Variants in FXR1 observed in about 807,000 individuals in gnomAD.
FXR1 encodes FMR1 autosomal homolog 1.
FXR1 carries 15 observed loss-of-function variants against 84.0 expected under a neutral mutation model. The ratio of observed to expected loss-of-function variants is 0.18; its 90% confidence interval spans 0.12 to 0.27. FXR1 has a LOEUF of 0.27. Among genes scored for constraint, FXR1 ranks in the 10% least tolerant of loss-of-function variants. The pLI is 1.00. For synonymous variants in FXR1, 245 were observed against 250.7 expected (o/e 0.98, Z 0.21); for missense variants, 480 against 774.4 (o/e 0.62, Z 4.51).
chr3:180,954,992 T>A (rs1344781431), intron 9 of FXR1, among the ~76,000 whole-genome samples: 1 of 149,304 alleles, frequency 6.7e-6, no homozygotes, highest in Non-Finnish European at 1.5e-5. Flanking sequence ...AATAAATTTT[T>A]TTTTTTTTTT....
chr3:180,915,971 G>T (rs926794027), intron 1 of FXR1, among the ~76,000 whole-genome samples: 3 of 152,216 alleles, frequency 2.0e-5, no homozygotes, highest in African/African-American at 7.2e-5. Flanking sequence ...ATTTGTGCAT[G>T]TTCGTAGCCC....
chr3:180,944,810 A>G (rs186281748), intron 3 of FXR1, among the ~76,000 whole-genome samples: 3 of 152,282 alleles, frequency 2.0e-5, no homozygotes, highest in Admixed American at 1.3e-4. Flanking sequence ...TTGCATAGTG[A>G]TGGTGTTTCA....
intron 13 of FXR1, among the ~76,000 whole-genome samples, chr3:180,966,412 T>C (rs1313214267): frequency 1.3e-5 from 2 of 152,234 alleles, no homozygotes; most frequent in African/African-American, 2.4e-5. Context: ...TATAAAACTT[T>C]ACATTTTATT....
chr3:180,963,690 T>C (rs1712434123), intron 13 of FXR1, among the ~76,000 whole-genome samples: 1 of 152,258 alleles, frequency 6.6e-6, no homozygotes, highest in African/African-American at 2.4e-5. Context: ...AATGAACATT[T>C]TCTAAAATGT....
At position 180,978,520 on chromosome 3, in the gene FXR1, T is replaced by C. The variant is rs573206007; in HGVS notation, c.*2228T>C. The C allele has an allele frequency of 6.6e-6, 1 of 152,230 alleles. No homozygotes were observed. Among genetic ancestry groups the C allele is most frequent in the East Asian group, 1.9e-4 (1 of 5,174 alleles). 9.4% of individuals were successfully genotyped at this position (152,230 alleles called of 1,614,324 possible). On this transcript the variant is annotated 3_prime_UTR_variant, in exon 17 of 17. Coordinates refer to ENST00000357559, the MANE Select transcript of FXR1 (RefSeq NM_005087.4). ...GAGAGGGTTCCGTCTTTTTGGCTGC[T>C]ATCCTAGTTAGGTGAGATGTTGCTA...
At chr3:180,933,428 G>C (rs763864851) in intron 2 of FXR1, 42 bp downstream of exon 2, 1 of 1,164,016 alleles carries the variant, frequency 8.6e-7, no homozygotes, top group Non-Finnish European at 1.3e-6. Flanking sequence ...TTTAGAGATG[G>C]CAGTGCCAAA....
At chr3:180,940,010 T>G (rs1051136778) in intron 3 of FXR1, among the ~76,000 whole-genome samples, 2 of 152,200 alleles carry the variant, frequency 1.3e-5, no homozygotes, top group African/African-American at 4.8e-5. Context: ...TAAAAATATA[T>G]TGGTTGCTTA....
intron 10 of FXR1, among the ~76,000 whole-genome samples, chr3:180,960,812 A>T (rs1712003085): frequency 6.6e-6 from 1 of 152,238 alleles, no homozygotes; most frequent in Admixed American, 6.5e-5. Context: ...TTGGAAAATT[A>T]AATTAATTAT....
At chr3:180,958,445 C>T (rs149525703) in intron 10 of FXR1, among the ~76,000 whole-genome samples, 3 of 152,208 alleles carry the variant, frequency 2.0e-5, no homozygotes, top group East Asian at 1.9e-4. Flanking sequence ...TTTGCCTTTG[C>T]GTCTTCATAG....
At chr3:180,961,866 C>G (rs767046934) in intron 11 of FXR1, among the ~76,000 whole-genome samples, 8 of 152,144 alleles carry the variant, frequency 5.3e-5, no homozygotes, top group Admixed American at 3.9e-4. Context: ...TCTCAGATCA[C>G]TTATGTATCT....
At position 180,963,105 on chromosome 3, in the gene FXR1, T is replaced by TTA; in HGVS notation, c.1198+16_1198+17insAT. On this transcript the variant is annotated intron_variant, in intron 13 of 16. Coordinates refer to ENST00000357559, the MANE Select transcript of FXR1 (RefSeq NM_005087.4). ...CTCCGGTTATGGTAAAAAAAAATTT[T>TTA]TTTTTTTTTTTTTTGGTAATAGTAA... is the stretch of plus-strand genomic sequence containing the variant. 9.0e-7 allele frequency: 1 copy of TTA among 1,113,090 alleles called. No homozygotes were observed. The highest frequency in any genetic ancestry group is 1.3e-6 in the Non-Finnish European group (1 of 755,648). The allele number at this position is 1,113,090 out of a possible 1,614,324, so 69.0% of individuals were successfully genotyped here.
Position 180,930,060 on chromosome 3 carries a change from C to T in FXR1, c.52-3274C>T, listed in dbSNP as rs543580972. Among the ~76,000 whole-genome samples the T allele has an allele frequency of 1.8e-4, 27 of 152,224 alleles. No individual in the cohort carries two copies. The South Asian group carries it at 2.3e-3, about 13-fold the overall frequency. On this transcript the variant is annotated intron_variant, in intron 1 of 16. Transcript: ENST00000357559. ...GTGGGCGGATCACGAGGTCGGAGTT[C>T]GAGACCAGCCTGGCGGACATGGTGA...
chr3:180,937,534 T>C (rs774664281), intron 3 of FXR1, among the ~76,000 whole-genome samples: 1 of 152,374 alleles, frequency 6.6e-6, no homozygotes, highest in Middle Eastern at 3.4e-3. Context: ...TTTCACGTTA[T>C]GTTTTATGAT....
intron 10 of FXR1, among the ~76,000 whole-genome samples, chr3:180,960,950 A>G (rs911760773): frequency 6.6e-6 from 1 of 152,280 alleles, no homozygotes; most frequent in East Asian, 1.9e-4. Flanking sequence ...GAGTATTTCA[A>G]CTTACATGGA....
At position 180,963,101 on chromosome 3, in the gene FXR1, A is replaced by AATT; in HGVS notation, c.1198+11_1198+12insATT. 1 of 867,114 alleles carries AATT rather than the reference A, an allele frequency of 1.2e-6. No homozygotes were observed. The highest frequency in any genetic ancestry group is 1.8e-6 in the Non-Finnish European group (1 of 556,234). 53.7% of individuals were successfully genotyped at this position (867,114 alleles called of 1,614,324 possible). A position where few individuals can be genotyped will look rare whatever the true frequency, so the allele number is the denominator to read the frequency against. On this transcript the variant is annotated intron_variant, in intron 13 of 16. Coordinates refer to ENST00000357559, the MANE Select transcript of FXR1 (RefSeq NM_005087.4). ...ACACCTCCGGTTATGGTAAAAAAAAATTTTTTTTTTTTTTTTTTGGTAATA... is the reference window on the plus strand; with the variant it reads ...ACACCTCCGGTTATGGTAAAAAAAAAATTTTTTTTTTTTTTTTTTTTGGTAATA...
Position 180,949,231 on chromosome 3 carries a change from C to A in FXR1, c.518C>A (p.Ala173Asp). 6.6e-7 allele frequency: 1 copy of A among 1,520,584 alleles called. No individual in the cohort carries two copies. Among genetic ancestry groups the A allele is most frequent in the Non-Finnish European group, 9.1e-7 (1 of 1,094,706 alleles). 94.2% of individuals were successfully genotyped at this position (1,520,584 alleles called of 1,614,324 possible). A position where few individuals can be genotyped will look rare whatever the true frequency, so the allele number is the denominator to read the frequency against. Residue 173 changes from alanine (A) to aspartate (D), a missense_variant, in exon 7 of 17, where the codon GCC (alanine) becomes GAC (aspartate). Ala to Asp is a moderately radical substitution (Grantham distance 126). This residue lies in a region of FXR1 where 136 missense variants were observed against 315.4 expected (regional missense o/e 0.43). Coordinates refer to ENST00000357559, the MANE Select transcript of FXR1 (RefSeq NM_005087.4). The stretch of plus-strand genomic sequence containing the variant: ...AATTAGCTTGTTTGTTTATAGTCTG[C>A]CAGTGAAGCAACTGTGAAGAGAGTA... ...PETTQLMILS[A>D]SEATVKRVNI... is the part of the protein sequence containing the mutation.
intron 3 of FXR1, among the ~76,000 whole-genome samples, chr3:180,936,080 C>T (rs969761899): frequency 9.2e-5 from 14 of 151,734 alleles, no homozygotes; most frequent in East Asian, 1.9e-4. Context: ...TTAGTAGAGA[C>T]GGGCTTTCAT....
Position 180,929,280 on chromosome 3 carries a change from AT to A in FXR1, c.52-4045del, listed in dbSNP as rs1160030545. 9.9e-5 allele frequency among the ~76,000 whole-genome samples: 15 copies of A among 151,324 alleles called. 1 individual carries two copies. The South Asian group carries it at 1.2e-3, about 13-fold the overall frequency. On this transcript the variant is annotated intron_variant, in intron 1 of 16. Transcript: ENST00000357559. ...CAGAGTTATGTGGGCATTTTAAGAT[AT>A]TTTTTTTTCCGCCTATCCATAGCAA... is the stretch of plus-strand genomic sequence containing the variant.
At chr3:180,916,874 C>G (rs1717957479) in intron 1 of FXR1, among the ~76,000 whole-genome samples, 1 of 151,936 alleles carries the variant, frequency 6.6e-6, no homozygotes, top group African/African-American at 2.4e-5. Context: ...CTTGCTCTGT[C>G]ACCAGGCTGG....
Sources: allele counts gnomAD v4.1 joint callset (sites outside exome capture counted in the v4.1 genomes callset), GRCh38; gene constraint gnomAD v4.1.1; regional missense constraint gnomAD v4.1.1; transcripts MANE v1.5; gene names NCBI Gene and HGNC (gene_info 2026-07-23, HGNC 2026-07-21).